UNC5D: variants seen among roughly 807,000 people sequenced by gnomAD.
UNC5D encodes the protein unc-5 netrin receptor D.
UNC5D carries 39 observed loss-of-function variants against 105.4 expected under a neutral mutation model. That is an observed-to-expected ratio of 0.37 (90% CI 0.29 to 0.48). The LOEUF (loss-of-function observed/expected upper bound fraction) is 0.48. Ranked by LOEUF, UNC5D falls within the 20% of genes least tolerant of loss-of-function variation. The pLI is 0.98. For synonymous variants in UNC5D, 452 were observed against 450.4 expected, an observed-to-expected ratio of 1.00 and a Z score of -0.04; for missense variants, 991 against 1,202.4, an observed-to-expected ratio of 0.82 and a Z score of 2.60.
chr8:35,579,098 A>G (rs1484198204), intron 3 of UNC5D, among the ~76,000 whole-genome samples: 1 of 152,136 alleles, frequency 6.6e-6, no homozygotes, highest in Non-Finnish European at 1.5e-5. Flanking sequence ...TTTCAATTCA[A>G]CTCTCATTTT....
At chr8:35,485,227 G>A (rs1435374994) in intron 1 of UNC5D, among the ~76,000 whole-genome samples, 1 of 152,074 alleles carries the variant, frequency 6.6e-6, no homozygotes, top group Non-Finnish European at 1.5e-5. Context: ...TCAGTATTTG[G>A]CCTCAAGTTC....
intron 1 of UNC5D, among the ~76,000 whole-genome samples, chr8:35,493,343 C>T (rs1212386101): frequency 6.7e-6 from 1 of 148,656 alleles, no homozygotes; most frequent in Non-Finnish European, 1.5e-5. Context: ...CAACAGTTTG[C>T]CTTCTAGTCA....
chr8:35,248,963 TATA>T (rs1803457209), intron 1 of UNC5D, among the ~76,000 whole-genome samples: 1 of 92,588 alleles, frequency 1.1e-5, no homozygotes, highest in Non-Finnish European at 1.9e-5. Flanking sequence ...ACATATATAA[TATA>T]TATTATATAT....
At chr8:35,407,922 C>A (rs968431920) in intron 1 of UNC5D, among the ~76,000 whole-genome samples, 1 of 152,042 alleles carries the variant, frequency 6.6e-6, no homozygotes, top group Non-Finnish European at 1.5e-5. Flanking sequence ...ACCACATTTT[C>A]TTTATCCAGT....
At chr8:35,748,755 T>C in intron 12 of UNC5D, 60 bp downstream of exon 12, 2 of 1,557,698 alleles carry the variant, frequency 1.3e-6, no homozygotes, top group Non-Finnish European at 1.7e-6. Flanking sequence ...ATGGGATATA[T>C]TTAACCTTAA....
chr8:35,750,766 A>C lies in UNC5D; in HGVS notation c.2120A>C (p.Asn707Thr). Reference protein sequence around the residue: ...GCMSCNSLDYNLRVYCVDNTP... With the variant: ...GCMSCNSLDYTLRVYCVDNTP... Reference sequence around the variant, plus strand: ...ATGTCCTGTAACTCCCTGGATTACAACTTGAGAGTTTACTGTGTGGACAAT... The same window carrying C: ...ATGTCCTGTAACTCCCTGGATTACACCTTGAGAGTTTACTGTGTGGACAAT... Residue 707 changes from asparagine (N) to threonine (T), a missense_variant, in exon 13 of 17, where the codon AAC becomes ACC. Transcript: ENST00000404895. 1 of 1,614,160 alleles carries C rather than the reference A, an allele frequency of 6.2e-7. No individual in the cohort carries two copies. The highest frequency in any genetic ancestry group is 1.3e-5 in the African/African-American group (1 of 75,056).
intron 1 of UNC5D, among the ~76,000 whole-genome samples, chr8:35,413,292 T>TGTGTGTGTGTGTGTGTGTTGTG (rs56157732): frequency 3.1e-5 from 4 of 127,978 alleles, no homozygotes; most frequent in East Asian, 2.5e-4. Context: ...TGTGTGTGTG[T>TGTGTGTGTGTGTGTGTGTTGTG]TGTGTGTGTG....
intron 4 of UNC5D, among the ~76,000 whole-genome samples, chr8:35,597,715 G>T (rs1819576394): frequency 6.6e-6 from 1 of 151,900 alleles, no homozygotes; most frequent in South Asian, 2.1e-4. Flanking sequence ...TTTTTTTTCA[G>T]ATGGAAGATA....
chr8:35,704,865 A>G (rs896330479), intron 7 of UNC5D, among the ~76,000 whole-genome samples: 2 of 149,390 alleles, frequency 1.3e-5, no homozygotes, highest in Non-Finnish European at 3.0e-5. Flanking sequence ...TATTTTAATG[A>G]TGGGAGATAG....
chr8:35,755,606 G>A (rs7822431), intron 13 of UNC5D, among the ~76,000 whole-genome samples: 11,399 of 152,054 alleles, frequency 0.075, 1,165 homozygotes, highest in African/African-American at 0.23. Flanking sequence ...AACATAAAGA[G>A]CTCAGTGAGG....
chr8:35,794,903 T>C lies in UNC5D; in HGVS notation c.*4340T>C, dbSNP rs1467690030. 6.6e-6 allele frequency: 1 copy of C among 152,210 alleles called. No individual in the cohort carries two copies. Among genetic ancestry groups the C allele is most frequent in the African/African-American group, 2.4e-5 (1 of 41,454 alleles). 9.4% of individuals were successfully genotyped at this position (152,210 alleles called of 1,614,324 possible). A position where few individuals can be genotyped will look rare whatever the true frequency, so the allele number is the denominator to read the frequency against. On this transcript the variant is annotated 3_prime_UTR_variant, in exon 17 of 17. Transcript: ENST00000404895. ...GATGGAAATCAGACCTGGCCGTTAG[T>C]CACTAGTGTGTAGTACCGTGATCTG...
intron 8 of UNC5D, among the ~76,000 whole-genome samples, chr8:35,716,114 G>A (rs1652431005): frequency 6.6e-6 from 1 of 152,196 alleles, no homozygotes; most frequent in Non-Finnish European, 1.5e-5. Context: ...GGTATGGAGA[G>A]AGCAGAGAGG....
intron 1 of UNC5D, among the ~76,000 whole-genome samples, chr8:35,292,659 A>G (rs914789384): frequency 8.6e-5 from 13 of 150,848 alleles, no homozygotes; most frequent in Admixed American, 8.6e-4. Context: ...AACATAAATG[A>G]TGTATACATA....
intron 4 of UNC5D, among the ~76,000 whole-genome samples, chr8:35,647,829 A>G (rs1371862452): frequency 6.6e-6 from 1 of 152,296 alleles, no homozygotes; most frequent in South Asian, 2.1e-4. Context: ...ATTTGCTTAC[A>G]TAAGCATGGT....
At chr8:35,307,083 A>G (rs1808479289) in intron 1 of UNC5D, among the ~76,000 whole-genome samples, 1 of 152,030 alleles carries the variant, frequency 6.6e-6, no homozygotes, top group Non-Finnish European at 1.5e-5. Context: ...CCACACATGA[A>G]ATACACTAAC....
intron 4 of UNC5D, among the ~76,000 whole-genome samples, chr8:35,678,518 T>C: frequency 6.6e-6 from 1 of 151,910 alleles, no homozygotes. Context: ...AAAAAAAGAA[T>C]AATTACCCCA....
chr8:35,476,338 C>T (rs144785499), intron 1 of UNC5D, among the ~76,000 whole-genome samples: 1 of 152,334 alleles, frequency 6.6e-6, no homozygotes, highest in African/African-American at 2.4e-5. Context: ...GTCAACTAGA[C>T]ACTTCCCCTC....
chr8:35,440,885 A>G (rs181256931), intron 1 of UNC5D, among the ~76,000 whole-genome samples: 30 of 152,096 alleles, frequency 2.0e-4, no homozygotes, highest in Middle Eastern at 3.4e-3. Flanking sequence ...TGATTCATAT[A>G]TGGTGATCTT....
chr8:35,604,083 A>G (rs753195764), intron 4 of UNC5D, among the ~76,000 whole-genome samples: 1 of 152,170 alleles, frequency 6.6e-6, no homozygotes, highest in Non-Finnish European at 1.5e-5. Context: ...TGATCCTGTC[A>G]TTATGATGTT....
Sources: allele counts gnomAD v4.1 joint callset (sites outside exome capture counted in the v4.1 genomes callset), GRCh38; gene constraint gnomAD v4.1.1; transcripts MANE v1.5; gene names NCBI Gene and HGNC (gene_info 2026-07-23, HGNC 2026-07-21).